RGS3: variants seen among roughly 807,000 people sequenced by gnomAD.
RGS3 encodes regulator of G protein signaling 3.
In RGS3, 80 loss-of-function variants were observed where a neutral mutation model predicts 132.6. The ratio of observed to expected loss-of-function variants is 0.60; its 90% CI spans 0.50 to 0.73. RGS3 has a LOEUF of 0.73. Among genes scored for constraint, RGS3 ranks in the 30% least tolerant of loss-of-function variants. The probability of loss-of-function intolerance (pLI) is 0.00; values close to 1 mark genes in which losing one functional copy is unlikely to be tolerated. For missense variants in RGS3, 1,382 were observed against 1,530.8 expected, an observed-to-expected ratio of 0.90 and a Z score of 1.62; for synonymous variants, 598 against 620.6, an observed-to-expected ratio of 0.96 and a Z score of 0.54.
At chr9:113,513,174 A>G (rs1831480160) in intron 14 of RGS3, among the ~76,000 whole-genome samples, 1 of 152,170 alleles carries the variant, frequency 6.6e-6, no homozygotes, top group Non-Finnish European at 1.5e-5. Context: ...CAGCCTGAGC[A>G]ATAAGAGGGA....
intron 19 of RGS3, among the ~76,000 whole-genome samples, chr9:113,576,898 G>C (rs1241999149): frequency 6.6e-6 from 1 of 152,382 alleles, no homozygotes; most frequent in Non-Finnish European, 1.5e-5. Flanking sequence ...GGTGGGGGAT[G>C]ACAGTGGTCT....
chr9:113,477,156 C>G (rs751859345), intron 3 of RGS3, among the ~76,000 whole-genome samples: 52 of 152,172 alleles, frequency 3.4e-4, no homozygotes, highest in Non-Finnish European at 6.6e-4. Flanking sequence ...CTCCCGGCGC[C>G]TTTCATCCAA....
intron 1 of RGS3, among the ~76,000 whole-genome samples, chr9:113,450,027 G>A (rs1285585776): frequency 6.6e-6 from 1 of 151,346 alleles, no homozygotes; most frequent in Non-Finnish European, 1.5e-5. Context: ...TTATAGGCAT[G>A]AGCCACCATG....
rs138102506 is a variant in RGS3, at chr9:113,528,421, G to A, written c.1871-800G>A. ...CTTGAACACAATTTGTGCTTCTCTTGGAATGTCCTTTCTTCCCACCTTGAG... is the reference window on the plus strand; with the variant it reads ...CTTGAACACAATTTGTGCTTCTCTTAGAATGTCCTTTCTTCCCACCTTGAG... On this transcript the variant is annotated intron_variant, in intron 17 of 24. Coordinates refer to ENST00000350696, the Ensembl canonical transcript of RGS3. Among the ~76,000 whole-genome samples, 47 of 152,282 alleles carry A rather than the reference G, an allele frequency of 3.1e-4. No homozygotes were observed. In the South Asian group the frequency reaches 3.1e-3, roughly 10 times the overall value.
intron 18 of RGS3, among the ~76,000 whole-genome samples, chr9:113,535,827 T>C (rs1292267538): frequency 6.6e-6 from 1 of 152,206 alleles, no homozygotes; most frequent in Non-Finnish European, 1.5e-5. Context: ...CAGACAGAGC[T>C]TGTACTCCCC....
rs1186614451 is a variant in RGS3 at position 113,463,647 on chromosome 9, G to A, written c.415+1446G>A. ...GAACTCTCCCCATTCAAACCCGCGC[G>A]GGCCAATCAGGGCCGGGCGCGCCCT... On this transcript the variant is annotated intron_variant, in intron 3 of 24. Transcript: ENST00000350696. This position sits in a 1 kb window ranked among gnomAD's most constrained non-coding sequence, Gnocchi z 4.6. 6 of 1,236,378 alleles carry A rather than the reference G, an allele frequency of 4.9e-6. No individual in the cohort carries two copies. The highest frequency in any genetic ancestry group is 5.1e-6 in the Non-Finnish European group (5 of 976,284). 76.6% of individuals were successfully genotyped at this position (1,236,378 alleles called of 1,614,324 possible).
At chr9:113,549,437 CTTTGTTTG>C (rs754381387) in intron 19 of RGS3, among the ~76,000 whole-genome samples, 2 of 151,758 alleles carry the variant, frequency 1.3e-5, no homozygotes, top group Admixed American at 6.6e-5. Context: ...TGTTTTTTTT[CTTTGTTTG>C]TTTGTTTGTT....
chr9:113,543,035 C>G (rs547716918), intron 19 of RGS3, among the ~76,000 whole-genome samples: 27 of 152,308 alleles, frequency 1.8e-4, no homozygotes, highest in South Asian at 1.7e-3. Flanking sequence ...CAGGGTTGGG[C>G]AGCTCTCATA....
intron 18 of RGS3, among the ~76,000 whole-genome samples, chr9:113,531,643 A>G (rs186223328): frequency 5.7e-4 from 87 of 152,368 alleles, no homozygotes; most frequent in African/African-American, 1.9e-3. Flanking sequence ...AGCTAAGAGG[A>G]ATAGCTCATA....
At chr9:113,498,689 C>T (rs927259095) in intron 10 of RGS3, among the ~76,000 whole-genome samples, 27 of 152,134 alleles carry the variant, frequency 1.8e-4, no homozygotes, top group African/African-American at 6.0e-4. Flanking sequence ...CCGAGGTGGG[C>T]GGATCACCTG....
intron 10 of RGS3, among the ~76,000 whole-genome samples, chr9:113,504,397 A>C (rs971888979): frequency 2.0e-5 from 3 of 152,166 alleles, no homozygotes; most frequent in Non-Finnish European, 4.4e-5. Flanking sequence ...TGCCTTTAGC[A>C]GCCGGAATGG....
At chr9:113,457,021 C>G (rs1201030462), upstream of RGS3, among the ~76,000 whole-genome samples, 2 of 152,164 alleles carry the variant, frequency 1.3e-5, no homozygotes, top group African/African-American at 4.8e-5. Context: ...GTCTCAAACT[C>G]CTGAACTCAG....
At chr9:113,522,999 C>T (rs1197710414) in exon 17 of RGS3, 1 of 1,614,084 alleles carries the variant, frequency 6.2e-7, no homozygotes, top group Admixed American at 1.7e-5. Flanking sequence ...CTGCGACGTC[C>T]TGAGGAACCC....
rs376250660 is a variant in RGS3 at position 113,492,288 on chromosome 9, C to T, written c.690-3498C>T. Among the ~76,000 whole-genome samples, 21 of 152,274 alleles carry T rather than the reference C, an allele frequency of 1.4e-4. No individual in the cohort carries two copies. The South Asian group carries it at 4.1e-3, about 30-fold the overall frequency. On this transcript the variant is annotated intron_variant, in intron 7 of 24. Transcript: ENST00000350696. ...TTCAAAGCCTTTGTAACGGCTGTTC[C>T]CTCTGCCCAAAATGCTCTTCATTCT... is the stretch of plus-strand genomic sequence containing the variant.
In RGS3 at chr9:113,591,560, C is replaced by T; in HGVS notation, c.3080+163C>T. 3.0e-6 allele frequency: 2 copies of T among 656,476 alleles called. No homozygotes were observed. The highest frequency in any genetic ancestry group is 3.6e-4 in the Middle Eastern group (1 of 2,814). 40.7% of individuals were successfully genotyped at this position (656,476 alleles called of 1,614,324 possible). On this transcript the variant is annotated intron_variant, in intron 21 of 24. Transcript: ENST00000350696. This position sits in a 1 kb window ranked among gnomAD's most constrained non-coding sequence, Gnocchi z 4.4. Reference sequence around the variant, plus strand: ...ACTGGATCTTGGAACTTTGCAGTGACCCCAAAGTGGGGTCACCTGGGTCCT... The same window carrying T: ...ACTGGATCTTGGAACTTTGCAGTGATCCCAAAGTGGGGTCACCTGGGTCCT...
chr9:113,480,141 T>C (rs987002737), intron 4 of RGS3, among the ~76,000 whole-genome samples: 1 of 152,172 alleles, frequency 6.6e-6, no homozygotes, highest in African/African-American at 2.4e-5. Context: ...TTGTAGTCAA[T>C]CCTGTGTAAG....
chr9:113,596,260 G>C (rs1428509440), intron 24 of RGS3, among the ~76,000 whole-genome samples: 1 of 152,196 alleles, frequency 6.6e-6, no homozygotes, highest in East Asian at 1.9e-4. Context: ...CTTGAACCCG[G>C]GAGGCGGAGG....
At chr9:113,501,755 C>G (rs1830908682) in intron 10 of RGS3, 1 of 1,023,446 alleles carries the variant, frequency 9.8e-7, no homozygotes. Flanking sequence ...TGCAGGCTCA[C>G]TTGGATATGG....
rs762678754 is a variant in RGS3 at position 113,579,122 on chromosome 9, C to T, written c.2038-4328C>T. Among the ~76,000 whole-genome samples the T allele has an allele frequency of 2.6e-5, 4 of 152,142 alleles. No homozygotes were observed. The highest frequency in any genetic ancestry group is 1.9e-4 in the East Asian group (1 of 5,190). ...GGTTTTCGAGGGCAGATGCAGAGCC[C>T]GGCATCCGTGGTGGCTGTGATGAAT... On this transcript the variant is annotated intron_variant, in intron 19 of 24. Transcript: ENST00000350696. The surrounding 1 kb of genome is among the most constrained non-coding windows in gnomAD (Gnocchi z 4.3).
Sources: allele counts gnomAD v4.1 joint callset (sites outside exome capture counted in the v4.1 genomes callset), GRCh38; gene constraint gnomAD v4.1.1; non-coding constraint Gnocchi (gnomAD v3.1); transcripts MANE v1.5; gene names NCBI Gene and HGNC (gene_info 2026-07-23, HGNC 2026-07-21).